SF1: variants seen among roughly 807,000 people sequenced by gnomAD.
The protein encoded by SF1 is branch point-binding protein.
SF1 carries 7 observed loss-of-function variants against 62.5 expected under a neutral mutation model. That is an observed-to-expected ratio of 0.11 (90% CI 0.06 to 0.21). SF1 has a LOEUF of 0.21. SF1 is among the 10% of genes least tolerant of loss of function. The pLI is 1.00. For synonymous variants in SF1, 394 were observed against 323.6 expected, an observed-to-expected ratio of 1.22 and a Z score of -2.33; for missense variants, 578 against 884.0, an observed-to-expected ratio of 0.65 and a Z score of 4.39.
Position 64,765,749 on chromosome 11 carries a change from T to G in SF1, c.*69A>C. 2.0e-6 allele frequency: 3 copies of G among 1,472,732 alleles called. No individual in the cohort carries two copies. Among genetic ancestry groups the G allele is most frequent in the Non-Finnish European group, 2.7e-6 (3 of 1,113,078 alleles). 91.2% of individuals were successfully genotyped at this position (1,472,732 alleles called of 1,614,324 possible). Reference sequence around the variant, plus strand: ...CGTCCCAATGTCTGGCTCCATATGGTGAGGTTCGGCGTGTTTAAACGAGAC... The same window carrying G: ...CGTCCCAATGTCTGGCTCCATATGGGGAGGTTCGGCGTGTTTAAACGAGAC... On this transcript the variant is annotated 3_prime_UTR_variant, in exon 13 of 13. Transcript: ENST00000377390.
At chr11:64,774,308 G>A (rs1251514612) in intron 2 of SF1, among the ~76,000 whole-genome samples, 1 of 152,208 alleles carries the variant, frequency 6.6e-6, no homozygotes, top group Non-Finnish European at 1.5e-5. Context: ...TGGCCCTCGG[G>A]CCTTGACCAA....
At chr11:64,777,453 G>A (rs951512637) in intron 1 of SF1, 76 of 969,478 alleles carry the variant, frequency 7.8e-5, no homozygotes, top group East Asian at 1.1e-4. Flanking sequence ...CTCCCCAAAA[G>A]AGACCAAGAA....
At chr11:64,768,630 G>C (rs143569046) in intron 8 of SF1, among the ~76,000 whole-genome samples, 1 of 152,250 alleles carries the variant, frequency 6.6e-6, no homozygotes, top group East Asian at 1.9e-4. Flanking sequence ...ACAACTGCCA[G>C]AACGAACTTC....
At chr11:64,771,309 G>C (rs948248620) in intron 3 of SF1, among the ~76,000 whole-genome samples, 2 of 152,196 alleles carry the variant, frequency 1.3e-5, no homozygotes, top group Admixed American at 6.5e-5. Flanking sequence ...TAATAAAAAA[G>C]AGAGGTTACA....
At chr11:64,770,811 G>A (rs1938197492) in intron 3 of SF1, among the ~76,000 whole-genome samples, 1 of 152,122 alleles carries the variant, frequency 6.6e-6, no homozygotes, top group Non-Finnish European at 1.5e-5. Flanking sequence ...CCAAGTTTAG[G>A]CAAAAGGTTA....
At chr11:64,776,269 C>G (rs1239066053) in intron 2 of SF1, 2 of 468,556 alleles carry the variant, frequency 4.3e-6, no homozygotes, top group Non-Finnish European at 7.7e-6. Flanking sequence ...CTAAGTGAAA[C>G]CCTACCTTCC....
chr11:64,775,299 A>T (rs906290197), intron 2 of SF1, among the ~76,000 whole-genome samples: 3 of 152,174 alleles, frequency 2.0e-5, no homozygotes, highest in Non-Finnish European at 2.9e-5. Flanking sequence ...CTCCACAAAA[A>T]CAGAAATGGA....
At chr11:64,774,301 C>T (rs1250203851) in intron 2 of SF1, among the ~76,000 whole-genome samples, 1 of 152,156 alleles carries the variant, frequency 6.6e-6, no homozygotes, top group Non-Finnish European at 1.5e-5. Flanking sequence ...ATGTACTTGG[C>T]CCTCGGGCCT....
At chr11:64,778,298 G>A in intron 1 of SF1, 64 bp downstream of exon 1, 1 of 1,221,116 alleles carries the variant, frequency 8.2e-7, no homozygotes, top group Non-Finnish European at 1.0e-6. Context: ...TGCAGGCGGA[G>A]GGCCCGGCTC....
At position 64,765,831 on chromosome 11, in the gene SF1, G is replaced by A. The variant is rs766941282; in HGVS notation, c.1907C>T (p.Pro636Leu). The change falls in exon 13 of 13, where the codon CCA becomes CTA. Residue 636 changes from proline to leucine, a missense_variant. Transcript: ENST00000377390. ...TAAAAAACAAGTCTAGTTCTGTGGT[G>A]GAGGCGGTGGGGGAGCTGGAGGCAT... Reference protein sequence around the residue: ...FGMPPAPPPPPPQN With the variant: ...FGMPPAPPPPLPQN 3.2e-6 allele frequency: 5 copies of A among 1,550,962 alleles called. No homozygotes were observed. Among genetic ancestry groups the A allele is most frequent in the Non-Finnish European group, 4.4e-6 (5 of 1,147,974 alleles).
intron 2 of SF1, among the ~76,000 whole-genome samples, chr11:64,773,974 C>T (rs1592506930): frequency 6.6e-6 from 1 of 152,192 alleles, no homozygotes; most frequent in East Asian, 1.9e-4. Context: ...TAACATGGGA[C>T]AAGGAAAAAT....
intron 2 of SF1, among the ~76,000 whole-genome samples, chr11:64,773,745 G>A (rs1280724676): frequency 6.6e-6 from 1 of 152,192 alleles, no homozygotes; most frequent in African/African-American, 2.4e-5. Context: ...TTTGTTGGAA[G>A]AGGGGTTAGC....
intron 1 of SF1, chr11:64,778,157 G>T: frequency 1.2e-6 from 1 of 866,884 alleles, no homozygotes; most frequent in Non-Finnish European, 1.4e-6. Flanking sequence ...CTGCTGGGGA[G>T]GCGGAGGGGG....
chr11:64,777,986 C>G, intron 1 of SF1: 1 of 995,862 alleles, frequency 1.0e-6, no homozygotes, highest in Non-Finnish European at 1.2e-6. Context: ...GCCCGACTCA[C>G]CTCCTCCGCC....
chr11:64,766,294 G>GGGGGGC lies in SF1; in HGVS notation c.1583-140_1583-139insGCCCCC. 2.3e-5 allele frequency: 2 copies of GGGGGGC among 85,182 alleles called. 1 individual carries two copies. The allele number at this position is 85,182 out of a possible 1,614,324, so 5.3% of individuals were successfully genotyped here. A position where few individuals can be genotyped will look rare whatever the true frequency, so the allele number is the denominator to read the frequency against. On this transcript the variant is annotated intron_variant, in intron 12 of 12. Coordinates refer to ENST00000377390, the MANE Select transcript of SF1 (RefSeq NM_004630.4). ...CGGTGGTGGGGGGCGGGTGGGCGGG[G>GGGGGGC]CTGGTGATGGGGAGTGGAGGGGTGG...
chr11:64,765,435 G>C lies in SF1; in HGVS notation c.*383C>G, dbSNP rs1226298556. The C allele has an allele frequency of 1.3e-6, 2 of 1,583,488 alleles. No homozygotes were observed. Among genetic ancestry groups the C allele is most frequent in the Non-Finnish European group, 1.7e-6 (2 of 1,152,540 alleles). The stretch of plus-strand genomic sequence containing the variant: ...TCCTGTCCACCAGGGGCGTTGCTGA[G>C]GCTGTCTGCCTGGAAGGGTCACCAA... On this transcript the variant is annotated 3_prime_UTR_variant, in exon 13 of 13. Coordinates refer to ENST00000377390, the MANE Select transcript of SF1 (RefSeq NM_004630.4).
At chr11:64,771,401 G>A (rs1938303924) in intron 3 of SF1, 1 of 928,424 alleles carries the variant, frequency 1.1e-6, no homozygotes, top group African/African-American at 1.8e-5. Context: ...CTGCAAGAAG[G>A]GAAGAGACCA....
chr11:64,778,003 C>T (rs924738515), intron 1 of SF1: 1 of 1,000,164 alleles, frequency 1.0e-6, no homozygotes, highest in Non-Finnish European at 1.2e-6. Context: ...CGCCGCCGGC[C>T]GGGCCCGGCT....
chr11:64,773,365 C>T, intron 3 of SF1, 65 bp downstream of exon 3: 1 of 1,581,394 alleles, frequency 6.3e-7, no homozygotes, highest in Non-Finnish European at 8.6e-7. Flanking sequence ...TATGTTGCCA[C>T]CAGTAAAACG....
Sources: allele counts gnomAD v4.1 joint callset (sites outside exome capture counted in the v4.1 genomes callset), GRCh38; gene constraint gnomAD v4.1.1; transcripts MANE v1.5; gene names NCBI Gene and HGNC (gene_info 2026-07-23, HGNC 2026-07-21).